EPB41L5: variants seen among roughly 807,000 people sequenced by gnomAD.
EPB41L5 encodes band 4.1-like protein 5.
In EPB41L5, 55 loss-of-function variants were observed where a neutral mutation model predicts 106.6. The ratio of observed to expected loss-of-function variants is 0.52; its 90% CI spans 0.42 to 0.65. The LOEUF (loss-of-function observed/expected upper bound fraction) is 0.65, where lower values mean the gene tolerates loss of function less well. EPB41L5 is among the 30% of genes least tolerant of loss of function. The probability of loss-of-function intolerance (pLI) is 0.00; values close to 1 mark genes in which losing one functional copy is unlikely to be tolerated. For synonymous variants in EPB41L5, 297 were observed against 306.7 expected (o/e 0.97, Z 0.33); for missense variants, 871 against 882.1 (o/e 0.99, Z 0.16).
intron 24 of EPB41L5, 101 bp from the exon 25 acceptor site, chr2:120,174,740 G>A: frequency 1.0e-6 from 1 of 978,724 alleles, no homozygotes; most frequent in South Asian, 1.3e-5. Context: ...TCTGTAATCT[G>A]CTGTACCCTC....
At chr2:120,089,272 G>C (rs1683255789) in intron 11 of EPB41L5, among the ~76,000 whole-genome samples, 1 of 152,022 alleles carries the variant, frequency 6.6e-6, no homozygotes. Flanking sequence ...TTTAGAGAAA[G>C]ATAAATACAA....
Position 120,090,403 on chromosome 2 carries a change from A to G in EPB41L5, c.930A>G (p.Lys310=), listed in dbSNP as rs755392110. The G allele has an allele frequency of 3.1e-6, 5 of 1,613,428 alleles. No homozygotes were observed. Among genetic ancestry groups the G allele is most frequent in the Non-Finnish European group, 4.2e-6 (5 of 1,179,778 alleles). ...VFRLDHPKAC[K]HLWKCAVEHH... The stretch of plus-strand genomic sequence containing the variant: ...GACTGGATCATCCAAAAGCATGCAA[A>G]CATTTATGGAAATGTGCTGTGGAGC... The change falls in exon 12 of 25, where the codon AAA becomes AAG. Residue 310 remains lysine, a synonymous_variant. Transcript: ENST00000263713.
At chr2:120,162,299 C>A (rs1377422403) in intron 21 of EPB41L5, among the ~76,000 whole-genome samples, 1 of 152,170 alleles carries the variant, frequency 6.6e-6, no homozygotes, top group Admixed American at 6.5e-5. Context: ...TCATAGAAAC[C>A]CAGTTTATTG....
intron 16 of EPB41L5, among the ~76,000 whole-genome samples, chr2:120,103,613 G>T (rs904507370): frequency 3.3e-5 from 5 of 152,144 alleles, no homozygotes; most frequent in African/African-American, 1.2e-4. Context: ...ATTTGAGGAA[G>T]AATTTTCACA....
At chr2:120,071,310 A>G (rs1002356539) in intron 3 of EPB41L5, among the ~76,000 whole-genome samples, 1 of 152,218 alleles carries the variant, frequency 6.6e-6, no homozygotes, top group Admixed American at 6.5e-5. Context: ...ACTACAAACC[A>G]CAGCTCAAGG....
intron 2 of EPB41L5, among the ~76,000 whole-genome samples, chr2:120,035,156 A>G (rs567678727): frequency 6.6e-6 from 1 of 152,276 alleles, no homozygotes; most frequent in East Asian, 1.9e-4. Flanking sequence ...AATGGGCCCC[A>G]TGTAAACACC....
Position 120,174,969 on chromosome 2 carries a change from A to G in EPB41L5, c.*62A>G. Reference sequence around the variant, plus strand: ...CGTCCTGGGATCCGTTTCAGCTAGAATATGTTGGATTCAGGAGCTTGTCCA... The same window carrying G: ...CGTCCTGGGATCCGTTTCAGCTAGAGTATGTTGGATTCAGGAGCTTGTCCA... On this transcript the variant is annotated 3_prime_UTR_variant, in exon 25 of 25. Coordinates refer to ENST00000263713, the MANE Select transcript of EPB41L5 (RefSeq NM_020909.4). The G allele has an allele frequency of 6.8e-7, 1 of 1,477,538 alleles. No homozygotes were observed. Among genetic ancestry groups the G allele is most frequent in the South Asian group, 1.1e-5 (1 of 88,348 alleles). The allele number at this position is 1,477,538 out of a possible 1,614,324, so 91.5% of individuals were successfully genotyped here.
rs754724859 is a variant in EPB41L5 at position 120,076,967 on chromosome 2, A to G, written c.506-4A>G. The G allele has an allele frequency of 6.3e-7, 1 of 1,587,206 alleles. No homozygotes were observed. Among genetic ancestry groups the G allele is most frequent in the Admixed American group, 1.8e-5 (1 of 55,020 alleles). On this transcript the variant is annotated splice_region_variant and splice_polypyrimidine_tract_variant and intron_variant, in intron 7 of 24. Transcript: ENST00000263713. ...CATATAACTTTTGAAACTTATGTTTATAGCTGAACTTGGTGACTATGATCT... is the reference window on the plus strand; with the variant it reads ...CATATAACTTTTGAAACTTATGTTTGTAGCTGAACTTGGTGACTATGATCT...
intron 16 of EPB41L5, among the ~76,000 whole-genome samples, chr2:120,123,432 T>C (rs1685318068): frequency 6.6e-6 from 1 of 152,144 alleles, no homozygotes; most frequent in Admixed American, 6.5e-5. Context: ...ATATCCCACT[T>C]GACTTGTCTC....
At chr2:120,018,847 T>C (rs1309774740) in intron 1 of EPB41L5, among the ~76,000 whole-genome samples, 1 of 152,104 alleles carries the variant, frequency 6.6e-6, no homozygotes, top group African/African-American at 2.4e-5. Context: ...GTTCTCACTA[T>C]GTTGCCCAGG....
chr2:120,055,453 G>A (rs1344434069), intron 3 of EPB41L5, among the ~76,000 whole-genome samples: 2 of 150,534 alleles, frequency 1.3e-5, no homozygotes, highest in African/African-American at 4.9e-5. Flanking sequence ...CATGAACATG[G>A]AATGTCTTTC....
At chr2:120,090,890 A>G (rs1227251697) in intron 12 of EPB41L5, among the ~76,000 whole-genome samples, 2 of 152,220 alleles carry the variant, frequency 1.3e-5, no homozygotes, top group Non-Finnish European at 2.9e-5. Context: ...GTGGTCCTTT[A>G]TAAACCTGAA....
chr2:120,018,159 G>T (rs908836117), intron 1 of EPB41L5, among the ~76,000 whole-genome samples: 5 of 151,784 alleles, frequency 3.3e-5, no homozygotes, highest in Non-Finnish European at 7.4e-5. Context: ...AGTAGAGACG[G>T]GGTTTCACCA....
chr2:120,164,893 C>T lies in EPB41L5; in HGVS notation c.1945C>T (p.His649Tyr). 6.2e-7 allele frequency: 1 copy of T among 1,609,338 alleles called. No homozygotes were observed. Residue 649 changes from histidine to tyrosine, a missense_variant, in exon 22 of 25, where the codon CAC (histidine) becomes TAC (tyrosine). His to Tyr is a moderately conservative substitution (Grantham distance 83, BLOSUM62 2). Coordinates refer to ENST00000263713, the MANE Select transcript of EPB41L5 (RefSeq NM_020909.4). ...ATCTCTAACTGAGAATCTAATTGAT[C>T]ACACAGTTGCACCTCAGGTAAATAT... ...LASLTENLID[H>Y]TVAPQVSSTS...
chr2:120,077,073 A>G lies in EPB41L5; in HGVS notation c.608A>G (p.Glu203Gly). 1 of 1,612,806 alleles carries G rather than the reference A, an allele frequency of 6.2e-7. No individual in the cohort carries two copies. The highest frequency in any genetic ancestry group is 1.1e-5 in the South Asian group (1 of 90,788). The change falls in exon 8 of 25, where the codon GAG becomes GGG. Residue 203 changes from glutamate (E) to glycine (G), a missense_variant. Transcript: ENST00000263713. ...QTEEMELAIF[E>G]KWKEYRGQTP... ...GAAGAGATGGAACTGGCTATTTTTG[A>G]GAAATGGAAGGAATACAGGTATCTG...
Position 120,128,012 on chromosome 2 carries a change from T to G in EPB41L5, c.1501+161T>G, listed in dbSNP as rs1464008458. The G allele has an allele frequency of 7.7e-6, 4 of 522,704 alleles. No individual in the cohort carries two copies. The East Asian group carries it at 1.3e-4, about 17-fold the overall frequency. The allele number at this position is 522,704 out of a possible 1,614,324, so 32.4% of individuals were successfully genotyped here. A position where few individuals can be genotyped will look rare whatever the true frequency, so the allele number is the denominator to read the frequency against. ...TTGCCTTTTTGACTTAAGGTAACAC[T>G]GAAATATTTAAGATAACATAATTGA... is the stretch of plus-strand genomic sequence containing the variant. On this transcript the variant is annotated intron_variant, in intron 17 of 24. Transcript: ENST00000263713.
chr2:120,053,115 G>T (rs568180985), intron 3 of EPB41L5, among the ~76,000 whole-genome samples: 1 of 152,116 alleles, frequency 6.6e-6, no homozygotes, highest in South Asian at 2.1e-4. Context: ...CTTTGATCTT[G>T]GATGGACTGA....
In EPB41L5 at chr2:120,127,796, C is replaced by T. The variant is rs200443214; in HGVS notation, c.1446C>T (p.Asp482=). ...TGGAAACATCCCAAGCACTGAATGA[C>T]GTTAATGTAGCCACCAGGCTTCCGG... ...DTMETSQALN[D]VNVATRLPGL... Residue 482 remains aspartate (D), a synonymous_variant, in exon 17 of 25, where the codon GAC becomes GAT. Transcript: ENST00000263713. 89 of 1,613,076 alleles carry T rather than the reference C, an allele frequency of 5.5e-5. No homozygotes were observed. The highest frequency in any genetic ancestry group is 1.6e-4 in the Middle Eastern group (1 of 6,062).
At position 120,169,383 on chromosome 2, in the gene EPB41L5, A is replaced by AACTT. The variant is rs1687565396; in HGVS notation, c.2135+1378_2135+1381dup. On this transcript the variant is annotated intron_variant, in intron 24 of 24. Coordinates refer to ENST00000263713, the MANE Select transcript of EPB41L5 (RefSeq NM_020909.4). ...TCTAAATATGAAACATCAGATAATA[A>AACTT]ACTTATAGAAGAAAACATGAGTGAA... 3.9e-5 allele frequency among the ~76,000 whole-genome samples: 6 copies of AACTT among 152,336 alleles called. No individual in the cohort carries two copies. The South Asian group carries it at 1.2e-3, about 32-fold the overall frequency.
Sources: allele counts gnomAD v4.1 joint callset (sites outside exome capture counted in the v4.1 genomes callset), GRCh38; gene constraint gnomAD v4.1.1; transcripts MANE v1.5; gene names NCBI Gene and HGNC (gene_info 2026-07-23, HGNC 2026-07-21).